Variants in NRDE2 observed in about 807,000 individuals in gnomAD.
NRDE2 encodes NRDE-2, necessary for RNA interference, domain containing, also known as nuclear exosome regulator NRDE2.
NRDE2 carries 76 observed loss-of-function variants against 124.2 expected under a neutral mutation model. That is an observed-to-expected ratio of 0.61 (90% CI 0.51 to 0.74). The LOEUF (loss-of-function observed/expected upper bound fraction) is 0.74. NRDE2 is among the 30% of genes least tolerant of loss of function. The pLI is 0.00. For synonymous variants in NRDE2, 489 were observed against 528.1 expected (o/e 0.93, Z 1.01); for missense variants, 1,314 against 1,417.3 (o/e 0.93, Z 1.17).
At position 90,292,838 on chromosome 14, in the gene NRDE2, C is replaced by G; in HGVS notation, c.1701G>C (p.Gln567His). The G allele has an allele frequency of 6.2e-7, 1 of 1,614,124 alleles. No individual in the cohort carries two copies. Among genetic ancestry groups the G allele is most frequent in the Non-Finnish European group, 8.5e-7 (1 of 1,179,976 alleles). Reference sequence around the variant, plus strand: ...TGGGCAGAGTCTTATCTTTTATTTCCTGGTCATCCTCTTCTGGTTCATCGT... The same window carrying G: ...TGGGCAGAGTCTTATCTTTTATTTCGTGGTCATCCTCTTCTGGTTCATCGT... ...EDDDEPEEDD[Q>H]EIKDKTLPRW... Residue 567 changes from glutamine (Q) to histidine (H), a missense_variant, in exon 9 of 14, where the codon CAG becomes CAC. Physicochemically the swap from Gln to His is conservative, Grantham distance 24. Transcript: ENST00000354366.
chr14:90,301,712 A>C, intron 6 of NRDE2: 1 of 455,766 alleles, frequency 2.2e-6, no homozygotes. Flanking sequence ...AGGATGGCGT[A>C]GCAGATTTTT....
intron 11 of NRDE2, among the ~76,000 whole-genome samples, chr14:90,287,936 T>G (rs1892151710): frequency 6.6e-6 from 1 of 152,108 alleles, no homozygotes; most frequent in Admixed American, 6.5e-5. Flanking sequence ...AGCATTCCCG[T>G]GATCTGACAG....
At position 90,279,098 on chromosome 14, in the gene NRDE2, T is replaced by C. The variant is rs141933992; in HGVS notation, c.3333A>G (p.Val1111=). 2.9e-3 allele frequency: 4,707 copies of C among 1,612,214 alleles called. 14 individuals are homozygous for C. Among genetic ancestry groups the C allele is most frequent in the Non-Finnish European group, 3.6e-3 (4,273 of 1,178,128 alleles). ...GGCAATTCTGAAGTGCTTTGTAGAA[T>C]ACACCTTTGCTTCTTTCTTTATTTC... ...SLGNKERSKG[V]FYKALQNCPW... is the part of the protein sequence containing the mutation. Residue 1111 remains valine, a synonymous_variant, in exon 13 of 14, where the codon GTA becomes GTG. Transcript: ENST00000354366.
At chr14:90,314,376 A>G (rs1032700132) in intron 3 of NRDE2, among the ~76,000 whole-genome samples, 11 of 152,250 alleles carry the variant, frequency 7.2e-5, no homozygotes, top group African/African-American at 1.9e-4. Context: ...AAGAGAATAC[A>G]TAAGTTAATA....
intron 5 of NRDE2, 56 bp from the exon 6 acceptor site, chr14:90,303,181 T>A (rs1186578945): frequency 3.3e-6 from 5 of 1,503,052 alleles, no homozygotes; most frequent in Admixed American, 2.0e-5. Context: ...GATCCTGAGT[T>A]TCAACAATGC....
chr14:90,301,028 C>T (rs1884380251), intron 7 of NRDE2, among the ~76,000 whole-genome samples: 1 of 150,496 alleles, frequency 6.6e-6, no homozygotes, highest in Non-Finnish European at 1.5e-5. Context: ...ATCCACATCT[C>T]ACCATTTTCA....
At chr14:90,291,456 G>A (rs1346186275) in intron 9 of NRDE2, among the ~76,000 whole-genome samples, 1 of 152,230 alleles carries the variant, frequency 6.6e-6, no homozygotes, top group Admixed American at 6.5e-5. Flanking sequence ...ATCGCTTGCA[G>A]CAGCAGTCTG....
chr14:90,291,883 G>A (rs1892279773), intron 9 of NRDE2, among the ~76,000 whole-genome samples: 1 of 152,198 alleles, frequency 6.6e-6, no homozygotes. Context: ...CTCACCACAG[G>A]ACAAATGCTG....
rs754593415 is a variant in NRDE2, at chr14:90,288,721, C to CA, written c.2653dup (p.Cys885LeufsTer4). 1 of 1,614,210 alleles carries CA rather than the reference C, an allele frequency of 6.2e-7. No homozygotes were observed. The highest frequency in any genetic ancestry group is 8.5e-7 in the Non-Finnish European group (1 of 1,180,044). ...ATTGGAGACACAGCTGTCACCCAAACAGTCCTGCAGTGCGTGCTCATAAGC... is the reference window on the plus strand; with the variant it reads ...ATTGGAGACACAGCTGTCACCCAAACAAGTCCTGCAGTGCGTGCTCATAAGC... On this transcript the variant is annotated frameshift_variant, in exon 11 of 14. Transcript: ENST00000354366. LOFTEE classifies it high-confidence loss of function.
rs1884957203 is a variant in NRDE2 at position 90,314,178 on chromosome 14, C to T, written c.408-1635G>A. Among the ~76,000 whole-genome samples the T allele has an allele frequency of 1.3e-5, 2 of 152,212 alleles. 1 individual carries two copies. The highest frequency in any genetic ancestry group is 3.8e-4 in the East Asian group (2 of 5,196). ...GGTGAGGGAAAGCTCATCCCAGAAACTCAAGGTCAATTAGTAGCTGTGGCC... is the reference window on the plus strand; with the variant it reads ...GGTGAGGGAAAGCTCATCCCAGAAATTCAAGGTCAATTAGTAGCTGTGGCC... On this transcript the variant is annotated intron_variant, in intron 3 of 13. Transcript: ENST00000354366.
intron 2 of NRDE2, among the ~76,000 whole-genome samples, chr14:90,317,279 A>C (rs1051142053): frequency 6.6e-6 from 1 of 152,184 alleles, no homozygotes; most frequent in Non-Finnish European, 1.5e-5. Flanking sequence ...AATTTTCAAA[A>C]AAAATCATTA....
At position 90,270,994 on chromosome 14, in the gene NRDE2, G is replaced by C. The variant is rs1360653935; in HGVS notation, c.*7342C>G. ...CACGGATCATTGGCAGTTAGTCCTA[G>C]AGAACTAGATGTCTCTGTTGGCAAG... On this transcript the variant is annotated 3_prime_UTR_variant, in exon 14 of 14. Transcript: ENST00000354366. 1 of 152,212 alleles carries C rather than the reference G, an allele frequency of 6.6e-6. No homozygotes were observed. The highest frequency in any genetic ancestry group is 1.9e-4 in the East Asian group (1 of 5,184). The allele number at this position is 152,212 out of a possible 1,614,324, so 9.4% of individuals were successfully genotyped here. A position where few individuals can be genotyped will look rare whatever the true frequency, so the allele number is the denominator to read the frequency against.
Position 90,312,440 on chromosome 14 carries a change from G to A in NRDE2, c.511C>T (p.Pro171Ser). ...ETFRTDKKPD[P>S]ANWEYKSLYR... is the part of the protein sequence containing the mutation. ...AGAGACTTGTACTCCCAGTTCGCAGGATCTGGTTTCTTATCTGTTCTGAAG... is the reference window on the plus strand; with the variant it reads ...AGAGACTTGTACTCCCAGTTCGCAGAATCTGGTTTCTTATCTGTTCTGAAG... The change falls in exon 4 of 14, where the codon CCT becomes TCT. Residue 171 changes from proline to serine, a missense_variant. Transcript: ENST00000354366. The A allele has an allele frequency of 1.2e-6, 2 of 1,614,060 alleles. No individual in the cohort carries two copies. Among genetic ancestry groups the A allele is most frequent in the Middle Eastern group, 3.3e-4 (2 of 6,038 alleles).
intron 1 of NRDE2, among the ~76,000 whole-genome samples, chr14:90,323,195 T>G (rs114436043): frequency 1.1e-4 from 16 of 152,276 alleles, no homozygotes; most frequent in African/African-American, 3.9e-4. Flanking sequence ...TCAGGGTAAT[T>G]TAACAGAAAA....
chr14:90,313,415 C>T (rs186861480), intron 3 of NRDE2, among the ~76,000 whole-genome samples: 217 of 152,076 alleles, frequency 1.4e-3, no homozygotes, highest in African/African-American at 5.1e-3. Flanking sequence ...TGTGAGCCAC[C>T]GTGCCCGGCT....
At chr14:90,286,518 C>T in intron 11 of NRDE2, 26 bp from the exon 12 acceptor site, 1 of 1,605,168 alleles carries the variant, frequency 6.2e-7, no homozygotes, top group Non-Finnish European at 8.5e-7. Flanking sequence ...TCACGTGACT[C>T]TGACACAAGC....
At chr14:90,300,616 C>T (rs761119021) in intron 7 of NRDE2, among the ~76,000 whole-genome samples, 5 of 150,960 alleles carry the variant, frequency 3.3e-5, no homozygotes, top group Non-Finnish European at 7.4e-5. Flanking sequence ...GCAATGCTCG[C>T]TTGTCATCTA....
At chr14:90,314,653 T>C (rs1884973395) in intron 3 of NRDE2, among the ~76,000 whole-genome samples, 1 of 152,162 alleles carries the variant, frequency 6.6e-6, no homozygotes, top group African/African-American at 2.4e-5. Context: ...GACGTAACAA[T>C]TAAAGTAGCT....
chr14:90,305,940 A>G (rs1884583309), intron 4 of NRDE2, among the ~76,000 whole-genome samples: 1 of 152,238 alleles, frequency 6.6e-6, no homozygotes, highest in African/African-American at 2.4e-5. Flanking sequence ...CCTCTAGTTA[A>G]TAATACACAT....
Sources: gnomAD v4.1 joint callset for allele counts (sites outside exome capture counted in the v4.1 genomes callset) on GRCh38, gnomAD v4.1.1 for gene constraint, MANE v1.5 for transcripts, NCBI Gene and HGNC (gene_info 2026-07-23, HGNC 2026-07-21) for gene names.